The following NBAS variants were observed in gnomAD, a reference collection of about 807,000 sequenced individuals.
NBAS encodes NAG/BC035112 fusion.
In NBAS, 219 loss-of-function variants were observed where a neutral mutation model predicts 302.5. The ratio of observed to expected loss-of-function variants is 0.72; its 90% CI spans 0.65 to 0.81. The LOEUF (loss-of-function observed/expected upper bound fraction) is 0.81. Among genes scored for constraint, NBAS ranks in the 30% least tolerant of loss-of-function variants. The pLI, the probability that NBAS is intolerant of heterozygous loss-of-function variation, is 0.00. For synonymous variants in NBAS, 1,118 were observed against 1,021.6 expected, an observed-to-expected ratio of 1.09 and a Z score of -1.80; for missense variants, 2,932 against 2,841.6, an observed-to-expected ratio of 1.03 and a Z score of -0.72.
At chr2:15,210,950 T>C (rs1256111726) in intron 48 of NBAS, among the ~76,000 whole-genome samples, 1 of 151,988 alleles carries the variant, frequency 6.6e-6, no homozygotes, top group Non-Finnish European at 1.5e-5. Context: ...AGATAGAGAA[T>C]AGAAGGATGG....
chr2:15,546,630 A>C (rs1052495735), intron 6 of NBAS, among the ~76,000 whole-genome samples: 1 of 152,212 alleles, frequency 6.6e-6, no homozygotes, highest in African/African-American at 2.4e-5. Flanking sequence ...TTGGAGTCTG[A>C]GGCAGGAGAA....
At chr2:15,002,528 G>C in the NBAS span, among the ~76,000 whole-genome samples, 1 of 152,208 alleles carries the variant, frequency 6.6e-6, no homozygotes, top group Admixed American at 6.5e-5. Flanking sequence ...CCCACGCCGT[G>C]CGCCCACACT....
intron 41 of NBAS, 26 bp downstream of exon 41, chr2:15,292,511 C>T (rs1670350549): frequency 1.2e-6 from 2 of 1,608,078 alleles, no homozygotes; most frequent in Non-Finnish European, 1.7e-6. Context: ...AATCCATCCC[C>T]TTATGAAACA....
the NBAS span, among the ~76,000 whole-genome samples, chr2:15,049,259 A>G: frequency 1.3e-5 from 2 of 151,800 alleles, no homozygotes. Context: ...CTGTTCCTGG[A>G]CTCCCTGAGT....
the NBAS span, among the ~76,000 whole-genome samples, chr2:15,160,408 C>T: frequency 4.6e-5 from 7 of 152,286 alleles, no homozygotes; most frequent in African/African-American, 1.2e-4. Context: ...CACCTGTGGA[C>T]GCAGCAGGGA....
intron 38 of NBAS, among the ~76,000 whole-genome samples, chr2:15,326,695 A>G (rs1672084371): frequency 6.6e-6 from 1 of 152,176 alleles, no homozygotes; most frequent in African/African-American, 2.4e-5. Context: ...TGGAGAAGAA[A>G]AGAAACATAA....
At chr2:15,059,059 C>T in the NBAS span, among the ~76,000 whole-genome samples, 1 of 152,170 alleles carries the variant, frequency 6.6e-6, no homozygotes, top group Non-Finnish European at 1.5e-5. Flanking sequence ...CTCTGTTCAG[C>T]CCCTGTTTTG....
intron 27 of NBAS, among the ~76,000 whole-genome samples, chr2:15,394,602 C>A (rs1675776545): frequency 1.3e-5 from 2 of 152,012 alleles, no homozygotes; most frequent in African/African-American, 4.8e-5. Flanking sequence ...AAAGCATAAC[C>A]TATCTTTATC....
intron 7 of NBAS, among the ~76,000 whole-genome samples, chr2:15,537,965 T>C (rs1323335625): frequency 6.6e-6 from 1 of 152,070 alleles, no homozygotes; most frequent in East Asian, 1.9e-4. Context: ...AGTCAACACT[T>C]GATACACGGC....
chr2:15,515,853 G>A (rs913422766), intron 9 of NBAS, among the ~76,000 whole-genome samples: 1 of 152,114 alleles, frequency 6.6e-6, no homozygotes, highest in Non-Finnish European at 1.5e-5. Context: ...GTTTGCTGAG[G>A]GGCTGTGAAT....
rs187391320 is a variant in NBAS, at chr2:15,469,769, T to C, written c.1726-1236A>G. Among the ~76,000 whole-genome samples, 908 of 139,410 alleles carry C rather than the reference T, an allele frequency of 6.5e-3. 12 individuals carry two copies. The highest frequency in any genetic ancestry group is 0.022 in the African/African-American group (821 of 37,332). The allele number at this position is 139,410 out of a possible 152,430, so 91.5% of individuals were successfully genotyped here. On this transcript the variant is annotated intron_variant, in intron 16 of 51. Coordinates refer to ENST00000281513, the MANE Select transcript of NBAS (RefSeq NM_015909.4). ...ACCAAACACCGCATGTTCTCACTCATAGGTGGGAATTGAACAATGAGAACA... is the reference window on the plus strand; with the variant it reads ...ACCAAACACCGCATGTTCTCACTCACAGGTGGGAATTGAACAATGAGAACA...
the NBAS span, among the ~76,000 whole-genome samples, chr2:14,972,127 G>A: frequency 6.6e-6 from 1 of 152,086 alleles, no homozygotes; most frequent in Admixed American, 6.5e-5. Context: ...GCCATAAAAA[G>A]GAATGAGATC....
chr2:15,328,131 AG>A, intron 37 of NBAS, 67 bp downstream of exon 37: 1 of 1,440,876 alleles, frequency 6.9e-7, no homozygotes, highest in Non-Finnish European at 9.6e-7. Flanking sequence ...AGAAAATTTT[AG>A]TTTTTGTTTC....
the NBAS span, among the ~76,000 whole-genome samples, chr2:15,111,743 G>A: frequency 6.6e-6 from 1 of 151,710 alleles, no homozygotes; most frequent in Admixed American, 6.6e-5. Flanking sequence ...ATGAGGCCTA[G>A]ATAAAATTTG....
chr2:15,085,339 C>A, the NBAS span, among the ~76,000 whole-genome samples: 1 of 152,044 alleles, frequency 6.6e-6, no homozygotes, highest in Non-Finnish European at 1.5e-5. Flanking sequence ...GGAGGCTCTG[C>A]ACAGGGCCAC....
the NBAS span, among the ~76,000 whole-genome samples, chr2:14,816,883 C>T: frequency 6.6e-6 from 1 of 152,168 alleles, no homozygotes; most frequent in African/African-American, 2.4e-5. Context: ...CGAGCCATAG[C>T]TGCCAAAGTT....
chr2:15,170,396 G>C (rs1387382431), intron 51 of NBAS, among the ~76,000 whole-genome samples: 2 of 152,226 alleles, frequency 1.3e-5, no homozygotes, highest in Admixed American at 1.3e-4. Context: ...CTTCTTGGCT[G>C]AGAATGCCTA....
chr2:15,533,904 T>C (rs1227319677), intron 9 of NBAS, among the ~76,000 whole-genome samples: 7 of 152,206 alleles, frequency 4.6e-5, no homozygotes, highest in African/African-American at 7.2e-5. Flanking sequence ...ACTCAAGTTA[T>C]GTTTGTCTTA....
chr2:14,842,544 T>C, the NBAS span, among the ~76,000 whole-genome samples: 1 of 151,886 alleles, frequency 6.6e-6, no homozygotes. Flanking sequence ...GGAAAAGCTA[T>C]GTGCCAAAAA....
Sources: allele counts gnomAD v4.1 joint callset (sites outside exome capture counted in the v4.1 genomes callset), GRCh38; gene constraint gnomAD v4.1.1; transcripts MANE v1.5; gene names NCBI Gene and HGNC (gene_info 2026-07-23, HGNC 2026-07-21).